The following CFAP251 variants were observed in gnomAD, a reference collection of about 807,000 sequenced individuals.
CFAP251 encodes the protein cilia- and flagella-associated protein 251.
A neutral mutation model predicts 126.7 loss-of-function variants in CFAP251; 93 were observed. That is an observed-to-expected ratio of 0.73 (90% CI 0.62 to 0.87). The LOEUF is 0.87. Among genes scored for constraint, CFAP251 ranks in the 40% least tolerant of loss-of-function variants. The pLI is 0.00. For missense variants in CFAP251, 1,287 were observed against 1,389.2 expected (o/e 0.93, Z 1.17); for synonymous variants, 503 against 506.9 (o/e 0.99, Z 0.10).
chr12:121,949,753 G>A (rs537640732), intron 8 of CFAP251: 5 of 152,278 alleles, frequency 3.3e-5, no homozygotes, highest in South Asian at 2.1e-4. Context: ...ACAGTGCATG[G>A]TGATGCATGC....
chr12:121,957,979 C>T (rs1881787058), intron 11 of CFAP251, among the ~76,000 whole-genome samples: 1 of 152,156 alleles, frequency 6.6e-6, no homozygotes, highest in South Asian at 2.1e-4. Flanking sequence ...ATGTGTGCAC[C>T]AAACTCCATA....
chr12:121,948,512 G>A (rs1881402220), intron 7 of CFAP251: 1 of 152,764 alleles, frequency 6.5e-6, no homozygotes, highest in African/African-American at 2.4e-5. Context: ...GCTTGAGGTA[G>A]GGTTCAAAAC....
At chr12:121,921,185 A>G in intron 1 of CFAP251, 101 bp from the exon 2 acceptor site, 4 of 1,312,248 alleles carry the variant, frequency 3.0e-6, no homozygotes, top group Non-Finnish European at 4.1e-6. Flanking sequence ...ATGGAAAGGG[A>G]ACAGAGCCAT....
At chr12:121,946,003 A>G (rs1293874917) in intron 7 of CFAP251, among the ~76,000 whole-genome samples, 1 of 152,204 alleles carries the variant, frequency 6.6e-6, no homozygotes, top group Non-Finnish European at 1.5e-5. Context: ...TCACTCCTGT[A>G]CTTAAAATCC....
At chr12:121,990,770 T>A (rs1882859387) in intron 19 of CFAP251, among the ~76,000 whole-genome samples, 1 of 152,218 alleles carries the variant, frequency 6.6e-6, no homozygotes. Context: ...CCCAGCCTTG[T>A]GCAACAGAAC....
chr12:121,937,168 G>T (rs1379255335), intron 5 of CFAP251, among the ~76,000 whole-genome samples: 2 of 152,228 alleles, frequency 1.3e-5, no homozygotes, highest in Non-Finnish European at 2.9e-5. Context: ...TGTCGGCAGG[G>T]TTGGCTGCTT....
chr12:121,929,559 C>T (rs1454496560), intron 3 of CFAP251, among the ~76,000 whole-genome samples: 1 of 151,946 alleles, frequency 6.6e-6, no homozygotes, highest in Admixed American at 6.6e-5. Context: ...TGGGCCTGGA[C>T]AAATGTATCC....
intron 1 of CFAP251, among the ~76,000 whole-genome samples, chr12:121,919,723 T>TGAA (rs370088562): frequency 4.9e-4 from 74 of 152,294 alleles, no homozygotes; most frequent in African/African-American, 1.7e-3. Flanking sequence ...TCTTCTCGTA[T>TGAA]TCCTGTTTCT....
chr12:121,959,311 C>T (rs1353623654), intron 13 of CFAP251: 2 of 471,140 alleles, frequency 4.2e-6, no homozygotes, highest in Non-Finnish European at 7.4e-6. Flanking sequence ...CCTTGTGGCA[C>T]ACATCTGTAG....
Position 122,001,508 on chromosome 12 carries a change from A to G in CFAP251, c.3247A>G (p.Thr1083Ala). 1 of 1,614,056 alleles carries G rather than the reference A, an allele frequency of 6.2e-7. No homozygotes were observed. The highest frequency in any genetic ancestry group is 8.5e-7 in the Non-Finnish European group (1 of 1,179,946). ...RLLVTKGEHM[T>A]EEEMLDCFAS... ...TCTTTGACACACAGGTGAGCATATG[A>G]CGGAGGAGGAGATGTTGGATTGCTT... is the stretch of plus-strand genomic sequence containing the variant. The change falls in exon 21 of 22, where the codon ACG becomes GCG. Residue 1083 changes from threonine (T) to alanine (A), a missense_variant. Thr to Ala is a moderately conservative substitution (Grantham distance 58). Coordinates refer to ENST00000288912, the MANE Select transcript of CFAP251 (RefSeq NM_144668.6).
intron 19 of CFAP251, among the ~76,000 whole-genome samples, chr12:121,994,726 A>T (rs1331347015): frequency 1.2e-5 from 1 of 86,938 alleles, no homozygotes; most frequent in East Asian, 2.9e-4. Flanking sequence ...GGGCGGTGCA[A>T]GATGTGCTTT....
chr12:121,992,274 C>T (rs1004179569), intron 19 of CFAP251: 2 of 985,324 alleles, frequency 2.0e-6, no homozygotes, highest in Admixed American at 1.2e-4. Context: ...GCAGAACCTG[C>T]CTTTTCAACG....
rs1433358037 is a variant in CFAP251, at chr12:121,958,428, G to A, written c.1887G>A (p.Met629Ile). ...TTGCCATCGGGAGCATCTGTGGGAT[G>A]ATCAAAGTGTGGAATTATGAAAACA... is the stretch of plus-strand genomic sequence containing the variant. ...PLIAIGSICG[M>I]IKVWNYENKQ... Residue 629 changes from methionine to isoleucine, a missense_variant, in exon 12 of 22, where the codon ATG (methionine) becomes ATA (isoleucine). By Grantham distance (10) the Met-to-Ile change is conservative. Transcript: ENST00000288912. 5 of 1,614,248 alleles carry A rather than the reference G, an allele frequency of 3.1e-6. No homozygotes were observed. In the South Asian group the frequency reaches 3.3e-5, roughly 11 times the overall value.
intron 19 of CFAP251, among the ~76,000 whole-genome samples, chr12:121,976,494 G>A (rs1356854289): frequency 6.6e-6 from 1 of 152,128 alleles, no homozygotes; most frequent in Non-Finnish European, 1.5e-5. Flanking sequence ...GGACTGTGGA[G>A]CACGGAGGGT....
Position 121,962,818 on chromosome 12 carries a change from C to T in CFAP251, c.2492+656C>T, listed in dbSNP as rs138399372. Among the ~76,000 whole-genome samples, 766 of 151,936 alleles carry T rather than the reference C, an allele frequency of 5.0e-3. 5 individuals carry two copies. The highest frequency in any genetic ancestry group is 0.011 in the Admixed American group (163 of 15,236). On this transcript the variant is annotated intron_variant, in intron 15 of 21. Coordinates refer to ENST00000288912, the MANE Select transcript of CFAP251 (RefSeq NM_144668.6). ...AGACTTGAAGAAAGTGAGGGGGAAG[C>T]GAGGGGCTGCTGTGCGGTTGGAGGA... is the stretch of plus-strand genomic sequence containing the variant.
chr12:121,925,875 T>C (rs1720067), intron 3 of CFAP251, among the ~76,000 whole-genome samples: 134,140 of 152,088 alleles, frequency 0.88, 59,349 homozygotes, highest in African/African-American at 0.95. Context: ...GGTGGAGTCT[T>C]GCTCTGTCAC....
intron 19 of CFAP251, among the ~76,000 whole-genome samples, chr12:121,983,268 A>G (rs1221478233): frequency 6.6e-6 from 1 of 150,508 alleles, no homozygotes; most frequent in East Asian, 2.0e-4. Context: ...GTGGTGTGCA[A>G]CCGGAGTCCC....
intron 19 of CFAP251, among the ~76,000 whole-genome samples, chr12:121,995,277 ATAC>A (rs1882997691): frequency 6.6e-6 from 1 of 152,232 alleles, no homozygotes; most frequent in Admixed American, 6.5e-5. Flanking sequence ...CTATGTAGTA[ATAC>A]TGTCAAAATT....
intron 3 of CFAP251, among the ~76,000 whole-genome samples, chr12:121,927,188 G>GT (rs36117069): frequency 0.54 from 77,187 of 143,628 alleles, 21,007 homozygotes; most frequent in African/African-American, 0.67. Context: ...TGTTGTTTAG[G>GT]TTTTTTTTTT....
Sources: allele counts gnomAD v4.1 joint callset (sites outside exome capture counted in the v4.1 genomes callset), GRCh38; gene constraint gnomAD v4.1.1; transcripts MANE v1.5; gene names NCBI Gene and HGNC (gene_info 2026-07-23, HGNC 2026-07-21).